The following SPDL1 variants were observed in gnomAD, a reference collection of about 807,000 sequenced individuals.
SPDL1 encodes the protein protein Spindly.
Under a neutral mutation model 79.5 loss-of-function variants are expected in SPDL1, and 85 were observed. The ratio of observed to expected loss-of-function variants is 1.07; its 90% CI spans 0.90 to 1.28. The LOEUF is 1.28. SPDL1 is among the 50% of genes most tolerant of loss of function. The pLI is 0.00. For missense variants in SPDL1, 703 were observed against 697.8 expected, an observed-to-expected ratio of 1.01 and a Z score of -0.08; for synonymous variants, 269 against 240.3, an observed-to-expected ratio of 1.12 and a Z score of -1.10.
chr5:169,591,537 C>T (rs1755288703), intron 3 of SPDL1, among the ~76,000 whole-genome samples: 1 of 152,210 alleles, frequency 6.6e-6, no homozygotes, highest in Non-Finnish European at 1.5e-5. Context: ...AAAGCCTCGT[C>T]TCCTAGCCTT....
intron 2 of SPDL1, chr5:169,590,791 G>A (rs886291987): frequency 1.9e-6 from 1 of 525,586 alleles, no homozygotes; most frequent in African/African-American, 1.9e-5. Context: ...ATACCATGGA[G>A]CACATTTTAC....
At chr5:169,589,910 C>A (rs1353729762) in intron 2 of SPDL1, among the ~76,000 whole-genome samples, 1 of 152,104 alleles carries the variant, frequency 6.6e-6, no homozygotes, top group African/African-American at 2.4e-5. Context: ...ACCATGTTGA[C>A]CAGGCTGGTC....
At chr5:169,593,214 T>G (rs1755390414) in intron 3 of SPDL1, 140 bp from the exon 4 acceptor site, 1 of 689,222 alleles carries the variant, frequency 1.5e-6, no homozygotes, top group African/African-American at 1.8e-5. Flanking sequence ...CACTAGCTGT[T>G]AAAAGATGCC....
chr5:169,595,117 T>G (rs1403664231), intron 7 of SPDL1, among the ~76,000 whole-genome samples: 1 of 152,194 alleles, frequency 6.6e-6, no homozygotes, highest in Non-Finnish European at 1.5e-5. Context: ...GGGTTCCCTT[T>G]CCTTGTAGCT....
chr5:169,591,048 A>T lies in SPDL1; in HGVS notation c.160A>T (p.Ser54Cys). ...GAATTGTAATTGAATCTGTTTTCAGAGTTATGAACAAGAAAAATATACCCT... is the reference window on the plus strand; with the variant it reads ...GAATTGTAATTGAATCTGTTTTCAGTGTTATGAACAAGAAAAATATACCCT... ...CRNEMMTMTESYEQEKYTLQR... is the reference protein window; with the variant it reads ...CRNEMMTMTECYEQEKYTLQR... Residue 54 changes from serine to cysteine, a missense_variant and splice_region_variant, in exon 3 of 12, where the codon AGT becomes TGT. Transcript: ENST00000265295. The T allele has an allele frequency of 1.2e-6, 2 of 1,608,708 alleles. No individual in the cohort carries two copies. Among genetic ancestry groups the T allele is most frequent in the Non-Finnish European group, 1.7e-6 (2 of 1,177,640 alleles).
At position 169,594,314 on chromosome 5, in the gene SPDL1, A is replaced by C; in HGVS notation, c.681+20A>C. 2 of 1,612,954 alleles carry C rather than the reference A, an allele frequency of 1.2e-6. No individual in the cohort carries two copies. Among genetic ancestry groups the C allele is most frequent in the Non-Finnish European group, 1.7e-6 (2 of 1,179,336 alleles). On this transcript the variant is annotated intron_variant, in intron 5 of 11. Transcript: ENST00000265295. Reference sequence around the variant, plus strand: ...CTAGAGGTACTATGATTACAGTAACATCATGTTTTCCAATTTATCATAACT... The same window carrying C: ...CTAGAGGTACTATGATTACAGTAACCTCATGTTTTCCAATTTATCATAACT...
intron 10 of SPDL1, among the ~76,000 whole-genome samples, chr5:169,600,207 C>CT (rs1755810277): frequency 6.6e-6 from 1 of 152,178 alleles, no homozygotes; most frequent in African/African-American, 2.4e-5. Context: ...TTCGTATTGT[C>CT]TCAGTGAACT....
chr5:169,602,604 T>TCCTTA (rs3842057), intron 11 of SPDL1, among the ~76,000 whole-genome samples: 13 of 151,896 alleles, frequency 8.6e-5, no homozygotes, highest in African/African-American at 3.1e-4. Flanking sequence ...TAAAAGGGCT[T>TCCTTA]ATATGTTTTA....
intron 1 of SPDL1, chr5:169,587,459 A>G (rs1755046757): frequency 6.6e-6 from 1 of 152,184 alleles, no homozygotes. Context: ...TTCTATATAT[A>G]ATGTTTAAGT....
In SPDL1 at chr5:169,588,461, G is replaced by A. The variant is rs771490697; in HGVS notation, c.45G>A (p.Glu15=). 7 of 1,613,692 alleles carry A rather than the reference G, an allele frequency of 4.3e-6. No homozygotes were observed. In the Admixed American group the frequency reaches 1.2e-4, roughly 27 times the overall value. Residue 15 remains glutamate, a synonymous_variant, in exon 2 of 12, where the codon GAG becomes GAA. Coordinates refer to ENST00000265295, the MANE Select transcript of SPDL1 (RefSeq NM_017785.5). ...CAAATCTTCGATGCAGGCTCAAAGA[G>A]GCTGAAGAAGAGCGACTAAAAGCTG... ...IITNLRCRLK[E]AEEERLKAAQ... is the part of the protein sequence containing the mutation.
intron 1 of SPDL1, among the ~76,000 whole-genome samples, chr5:169,584,344 C>G (rs569252034): frequency 1.3e-5 from 2 of 152,052 alleles, no homozygotes; most frequent in African/African-American, 4.8e-5. Flanking sequence ...TCTTTGTTTA[C>G]TTTTTAAATC....
chr5:169,594,519 A>G, intron 6 of SPDL1, 27 bp downstream of exon 6: 1 of 1,611,624 alleles, frequency 6.2e-7, no homozygotes. Flanking sequence ...TAACTACTAA[A>G]TTGGTATTTT....
At chr5:169,590,450 T>A (rs1018787114) in intron 2 of SPDL1, among the ~76,000 whole-genome samples, 2 of 152,256 alleles carry the variant, frequency 1.3e-5, no homozygotes, top group Non-Finnish European at 2.9e-5. Flanking sequence ...ATTTTATCAT[T>A]TTTTAAAGCC....
Position 169,603,658 on chromosome 5 carries a change from A to G in SPDL1, c.1671-402A>G, listed in dbSNP as rs1756044305. ...ATCACGAGGTCAAGAGATCAAGACC[A>G]TCCTGACCAACGTGGTGAAACCCTG... On this transcript the variant is annotated intron_variant, in intron 11 of 11. Transcript: ENST00000265295. Among the ~76,000 whole-genome samples, 4 of 152,172 alleles carry G rather than the reference A, an allele frequency of 2.6e-5. No individual in the cohort carries two copies. The South Asian group carries it at 8.3e-4, about 31-fold the overall frequency.
Position 169,601,501 on chromosome 5 carries a change from C to T in SPDL1, c.1546C>T (p.Pro516Ser), listed in dbSNP as rs745753916. ...SIYTPVVSLS[P>S]HKNLPVDMQL... is the part of the protein sequence containing the mutation. ...ATACACACCAGTAGTCAGTCTCTCT[C>T]CTCACAAAAATCTGCCCGTGGATAT... Residue 516 changes from proline to serine, a missense_variant, in exon 11 of 12, where the codon CCT (proline) becomes TCT (serine). Transcript: ENST00000265295. The T allele has an allele frequency of 1.2e-6, 2 of 1,614,118 alleles. No homozygotes were observed. The highest frequency in any genetic ancestry group is 1.1e-5 in the South Asian group (1 of 91,064).
intron 2 of SPDL1, 89 bp from the exon 3 acceptor site, chr5:169,590,959 G>T: frequency 9.0e-7 from 1 of 1,116,702 alleles, no homozygotes; most frequent in Non-Finnish European, 1.3e-6. Flanking sequence ...CTTGAAATAA[G>T]AATGAAACAA....
Position 169,598,653 on chromosome 5 carries a change from GT to G in SPDL1, c.1136+81del, listed in dbSNP as rs1429280902. On this transcript the variant is annotated intron_variant, in intron 9 of 11. Transcript: ENST00000265295. ...CTATGGTAGTGTCAGTGACTACAAA[GT>G]TTTTTTGAAATTGCCAAAGGAAATT... 7 of 1,288,232 alleles carry G rather than the reference GT, an allele frequency of 5.4e-6. No individual in the cohort carries two copies. In the Admixed American group the frequency reaches 6.5e-5, roughly 12 times the overall value. The allele number at this position is 1,288,232 out of a possible 1,614,324, so 79.8% of individuals were successfully genotyped here. A position where few individuals can be genotyped will look rare whatever the true frequency, so the allele number is the denominator to read the frequency against.
chr5:169,602,778 T>G (rs1380613667), intron 11 of SPDL1, among the ~76,000 whole-genome samples: 2 of 152,222 alleles, frequency 1.3e-5, no homozygotes, highest in Non-Finnish European at 2.9e-5. Flanking sequence ...AATAAAAGCT[T>G]ACCATTCTTA....
intron 4 of SPDL1, among the ~76,000 whole-genome samples, chr5:169,593,780 G>A (rs766302198): frequency 1.3e-4 from 20 of 152,198 alleles, no homozygotes; most frequent in Non-Finnish European, 2.4e-4. Context: ...TTAATGAAAC[G>A]TCTGGAAGAA....
Sources: allele counts gnomAD v4.1 joint callset (sites outside exome capture counted in the v4.1 genomes callset), GRCh38; gene constraint gnomAD v4.1.1; transcripts MANE v1.5; gene names NCBI Gene and HGNC (gene_info 2026-07-23, HGNC 2026-07-21).